The following PXDC1 variants were observed in gnomAD, a reference collection of about 807,000 sequenced individuals.
The protein encoded by PXDC1 is PX domain-containing protein 1.
A neutral mutation model predicts 24.4 loss-of-function variants in PXDC1; 13 were observed. That is an observed-to-expected ratio of 0.53 (90% CI 0.35 to 0.85). PXDC1 has a LOEUF of 0.85. Among genes scored for constraint, PXDC1 ranks in the 40% least tolerant of loss-of-function variants. The pLI, the probability that PXDC1 is intolerant of heterozygous loss-of-function variation, is 0.01. For missense variants in PXDC1, 344 were observed against 309.3 expected (o/e 1.11, Z -0.84); for synonymous variants, 162 against 124.9 (o/e 1.30, Z -1.98).
intron 3 of PXDC1, among the ~76,000 whole-genome samples, chr6:3,736,270 G>A (rs763495631): frequency 2.0e-5 from 3 of 152,034 alleles, no homozygotes; most frequent in South Asian, 2.1e-4. Flanking sequence ...ATTCAGAAAC[G>A]GAATGATGGA....
In PXDC1 at chr6:3,751,657, T is replaced by TC. The variant is rs1157475307; in HGVS notation, c.-127dup. On this transcript the variant is annotated 5_prime_UTR_variant, in exon 1 of 5. Transcript: ENST00000380283. ...GGGTCGTCCGGGGTCGGCCCGTCAC[T>TC]CCAAGGAGGCTGCGTATGGCCCGCG... The TC allele has an allele frequency of 3.1e-6, 4 of 1,285,594 alleles. No homozygotes were observed. In the African/African-American group the frequency reaches 6.3e-5, roughly 20 times the overall value. The allele number at this position is 1,285,594 out of a possible 1,614,324, so 79.6% of individuals were successfully genotyped here.
rs548245614 is a variant in PXDC1, at chr6:3,751,418, G to A, written c.114C>T (p.Phe38=). 34 of 1,583,582 alleles carry A rather than the reference G, an allele frequency of 2.1e-5. No individual in the cohort carries two copies. The South Asian group carries it at 3.3e-4, about 16-fold the overall frequency. Residue 38 remains phenylalanine, a synonymous_variant, in exon 1 of 5, where the codon TTC becomes TTT. Transcript: ENST00000380283. The part of the protein sequence containing the change: ...IVSRRGDEEE[F]FEIRTEWSDR... ...CCGACCACTCCGTGCGGATCTCGAA[G>A]AACTCCTCTTCGTCGCCGCGCCGGC...
rs1441188724 is a variant in PXDC1, at chr6:3,723,359, G to A, written c.*260C>T. 1.4e-5 allele frequency: 7 copies of A among 515,660 alleles called. No homozygotes were observed. The highest frequency in any genetic ancestry group is 2.4e-5 in the Non-Finnish European group (7 of 287,466). The allele number at this position is 515,660 out of a possible 1,614,324, so 31.9% of individuals were successfully genotyped here. ...GCGCAGCCCTGTGGGCACCAAGCAG[G>A]GAGTGAAGACCCTCAGAACACAGGC... On this transcript the variant is annotated 3_prime_UTR_variant, in exon 5 of 5. Transcript: ENST00000380283.
In PXDC1 at chr6:3,738,144, C is replaced by T. The variant is rs200459377; in HGVS notation, c.261G>A (p.Leu87=). The change falls in exon 2 of 5, where the codon CTG becomes CTA. Residue 87 remains leucine (L), a synonymous_variant. Transcript: ENST00000380283. ...ELAQGPLRQG[L]VAIKEAHDIE... ...TGTCGTGGGCTTCCTTTATGGCAACCAGTCCTAGAATTGAGACAGAAATGC... is the reference window on the plus strand; with the variant it reads ...TGTCGTGGGCTTCCTTTATGGCAACTAGTCCTAGAATTGAGACAGAAATGC... The T allele has an allele frequency of 7.4e-4, 1,188 of 1,613,278 alleles. 21 individuals are homozygous for T. In the South Asian group the frequency reaches 0.012, roughly 17 times the overall value.
At position 3,728,008 on chromosome 6, in the gene PXDC1, G is replaced by C. The variant is rs1201147090; in HGVS notation, c.467-346C>G. ...ATCTGTGAGTCTGCGTGTGAGAGCA[G>C]AGCTATGGCACAGTGACATGTGGCT... On this transcript the variant is annotated intron_variant, in intron 3 of 4. Transcript: ENST00000380283. The surrounding 1 kb of genome is among the most constrained non-coding windows in gnomAD (Gnocchi z 4.0). Among the ~76,000 whole-genome samples the C allele has an allele frequency of 6.6e-6, 1 of 152,204 alleles. No homozygotes were observed. The highest frequency in any genetic ancestry group is 1.5e-5 in the Non-Finnish European group (1 of 68,040).
At chr6:3,740,671 C>A (rs1189077352) in intron 1 of PXDC1, among the ~76,000 whole-genome samples, 3 of 152,212 alleles carry the variant, frequency 2.0e-5, no homozygotes, top group Non-Finnish European at 4.4e-5. Flanking sequence ...CAAGCCAACC[C>A]CGAGAAACAG....
At chr6:3,729,286 G>A (rs979868355) in intron 3 of PXDC1, among the ~76,000 whole-genome samples, 2 of 152,012 alleles carry the variant, frequency 1.3e-5, no homozygotes, top group Non-Finnish European at 2.9e-5. Flanking sequence ...CTTTCCATAC[G>A]AAGAGAATTA....
Position 3,751,690 on chromosome 6 carries a change from C to T in PXDC1, c.-159G>A. ...GGCTGCGTATGGCCCGCGTTCGGGG[C>T]AGCGGGGCGGCGCGGCGGCGAGTGG... On this transcript the variant is annotated 5_prime_UTR_variant, in exon 1 of 5. Transcript: ENST00000380283. The T allele has an allele frequency of 1.8e-6, 2 of 1,128,514 alleles. No homozygotes were observed. The highest frequency in any genetic ancestry group is 2.2e-6 in the Non-Finnish European group (2 of 899,330). The allele number at this position is 1,128,514 out of a possible 1,614,324, so 69.9% of individuals were successfully genotyped here.
At chr6:3,744,311 G>T (rs945947043) in intron 1 of PXDC1, among the ~76,000 whole-genome samples, 2 of 152,094 alleles carry the variant, frequency 1.3e-5, no homozygotes, top group African/African-American at 4.8e-5. Context: ...ACCAGGCTGG[G>T]GATACCACGG....
chr6:3,723,310 A>G lies in PXDC1; in HGVS notation c.*309T>C, dbSNP rs921820963. 8.5e-6 allele frequency: 3 copies of G among 354,806 alleles called. No homozygotes were observed. Among genetic ancestry groups the G allele is most frequent in the African/African-American group, 6.1e-5 (3 of 49,400 alleles). 22.0% of individuals were successfully genotyped at this position (354,806 alleles called of 1,614,324 possible). On this transcript the variant is annotated 3_prime_UTR_variant, in exon 5 of 5. Transcript: ENST00000380283. ...CAGTAGCAGTGAGAGCGAGCCCCAC[A>G]GGAACTGTCCCTGCCCTGGCAGTGC...
Position 3,751,703 on chromosome 6 carries a change from C to CGGCGA in PXDC1, c.-173_-172insTCGCC. On this transcript the variant is annotated 5_prime_UTR_variant, in exon 1 of 5. Transcript: ENST00000380283. ...CCGCGTTCGGGGCAGCGGGGCGGCG[C>CGGCGA]GGCGGCGAGTGGCTCGGGCCGGCCG... The CGGCGA allele has an allele frequency of 9.7e-7, 1 of 1,029,666 alleles. No individual in the cohort carries two copies. The highest frequency in any genetic ancestry group is 1.2e-6 in the Non-Finnish European group (1 of 816,428). The allele number at this position is 1,029,666 out of a possible 1,614,324, so 63.8% of individuals were successfully genotyped here. A position where few individuals can be genotyped will look rare whatever the true frequency, so the allele number is the denominator to read the frequency against.
intron 4 of PXDC1, 102 bp from the exon 5 acceptor site, chr6:3,723,838 T>C: frequency 1.1e-6 from 1 of 880,626 alleles, no homozygotes; most frequent in South Asian, 1.5e-5. Context: ...CGCTAGTAAG[T>C]GTGCAAAAAA....
In PXDC1 at chr6:3,728,284, C is replaced by A. The variant is rs1325511400; in HGVS notation, c.467-622G>T. On this transcript the variant is annotated intron_variant, in intron 3 of 4. Coordinates refer to ENST00000380283, the MANE Select transcript of PXDC1 (RefSeq NM_183373.4). The surrounding 1 kb of genome is among the most constrained non-coding windows in gnomAD (Gnocchi z 4.0). ...CAGTAAGTAGTCTTTTATCCCTCACCCCACGAACCCAAAGTCCATGATATC... is the reference window on the plus strand; with the variant it reads ...CAGTAAGTAGTCTTTTATCCCTCACACCACGAACCCAAAGTCCATGATATC... Among the ~76,000 whole-genome samples the A allele has an allele frequency of 1.3e-5, 2 of 152,178 alleles. No homozygotes were observed. The highest frequency in any genetic ancestry group is 2.9e-5 in the Non-Finnish European group (2 of 68,044).
chr6:3,733,835 C>A (rs1473325991), intron 3 of PXDC1, among the ~76,000 whole-genome samples: 3 of 152,186 alleles, frequency 2.0e-5, no homozygotes, highest in Non-Finnish European at 4.4e-5. Flanking sequence ...CCCCACCTGA[C>A]CCCTTCCCAT....
chr6:3,729,606 C>T lies in PXDC1; in HGVS notation c.467-1944G>A, dbSNP rs185613258. On this transcript the variant is annotated intron_variant, in intron 3 of 4. Coordinates refer to ENST00000380283, the MANE Select transcript of PXDC1 (RefSeq NM_183373.4). The stretch of plus-strand genomic sequence containing the variant: ...GGGCGAAAGAAGATGCTTACCAAAG[C>T]CTCGCTGAACAGGCGGACTGTGAAA... Among the ~76,000 whole-genome samples, 86 of 152,364 alleles carry T rather than the reference C, an allele frequency of 5.6e-4. 1 individual carries two copies. The East Asian group carries it at 0.015, about 26-fold the overall frequency.
chr6:3,726,702 A>G (rs567030675), intron 4 of PXDC1, among the ~76,000 whole-genome samples: 186 of 152,276 alleles, frequency 1.2e-3, no homozygotes, highest in Non-Finnish European at 2.2e-3. Context: ...ATCTGCTGCT[A>G]TGGAGGGCTA....
intron 3 of PXDC1, among the ~76,000 whole-genome samples, chr6:3,733,627 C>T (rs1423274127): frequency 2.6e-5 from 4 of 152,116 alleles, no homozygotes; most frequent in Non-Finnish European, 4.4e-5. Context: ...TTGAGACCCT[C>T]GGCTCTGCAA....
intron 1 of PXDC1, among the ~76,000 whole-genome samples, chr6:3,745,412 C>T (rs1017584645): frequency 1.3e-5 from 2 of 152,240 alleles, no homozygotes; most frequent in East Asian, 1.9e-4. Flanking sequence ...CCACTGCTTT[C>T]GGTACTCACA....
Position 3,728,722 on chromosome 6 carries a change from C to T in PXDC1, c.467-1060G>A, listed in dbSNP as rs1056501819. On this transcript the variant is annotated intron_variant, in intron 3 of 4. Coordinates refer to ENST00000380283, the MANE Select transcript of PXDC1 (RefSeq NM_183373.4). This position sits in a 1 kb window ranked among gnomAD's most constrained non-coding sequence, Gnocchi z 4.0. ...TTCTCACTCTGAAATCCCATGAACT[C>T]CTGGATCGCATCATGCCATCTGGTC... 1.3e-5 allele frequency among the ~76,000 whole-genome samples: 2 copies of T among 152,162 alleles called. No individual in the cohort carries two copies. Among genetic ancestry groups the T allele is most frequent in the Non-Finnish European group, 2.9e-5 (2 of 68,032 alleles).
Sources: allele counts gnomAD v4.1 joint callset (sites outside exome capture counted in the v4.1 genomes callset), GRCh38; gene constraint gnomAD v4.1.1; non-coding constraint Gnocchi (gnomAD v3.1); transcripts MANE v1.5; gene names NCBI Gene and HGNC (gene_info 2026-07-23, HGNC 2026-07-21).